CFAP43: variants seen among roughly 807,000 people sequenced by gnomAD.
CFAP43 encodes cilia- and flagella-associated protein 43.
A neutral mutation model predicts 218.9 loss-of-function variants in CFAP43; 155 were observed. The observed-to-expected ratio is 0.71, with a 90% CI of 0.62 to 0.81. The LOEUF is 0.81. Ranked by LOEUF, CFAP43 falls within the 30% of genes least tolerant of loss-of-function variation. CFAP43 has a pLI of 0.00. For missense variants in CFAP43, 1,778 were observed against 1,954.3 expected (o/e 0.91, Z 1.70); for synonymous variants, 645 against 681.3 (o/e 0.95, Z 0.83).
chr10:104,199,926 T>C (rs1015559450), intron 8 of CFAP43, among the ~76,000 whole-genome samples: 1 of 152,150 alleles, frequency 6.6e-6, no homozygotes, highest in Non-Finnish European at 1.5e-5. Flanking sequence ...AGGACCCACT[T>C]AGAATTAAAT....
In CFAP43 at chr10:104,162,300, TA is replaced by T; in HGVS notation, c.3333+16del. On this transcript the variant is annotated intron_variant, in intron 25 of 37. Coordinates refer to ENST00000357060, the MANE Select transcript of CFAP43 (RefSeq NM_025145.7). ...GCAAAGAGGGTCTTAGGACCTGTGT[TA>T]AGCAAAGCTACATGCCTGTATCAGA... 2.0e-6 allele frequency: 3 copies of T among 1,537,766 alleles called. No individual in the cohort carries two copies. Among genetic ancestry groups the T allele is most frequent in the Non-Finnish European group, 2.6e-6 (3 of 1,152,470 alleles).
intron 16 of CFAP43, among the ~76,000 whole-genome samples, chr10:104,184,566 G>A (rs904186156): frequency 3.3e-5 from 5 of 151,272 alleles, no homozygotes; most frequent in Admixed American, 2.0e-4. Flanking sequence ...TCTGGAACAC[G>A]CTTTTCAAAA....
At chr10:104,209,535 G>T (rs1173447187) in intron 5 of CFAP43, among the ~76,000 whole-genome samples, 2 of 152,126 alleles carry the variant, frequency 1.3e-5, no homozygotes, top group African/African-American at 2.4e-5. Context: ...CTCCACATTT[G>T]AGTATTTAAA....
rs1273285701 is a variant in CFAP43 at position 104,131,391 on chromosome 10, A to G, written c.4771T>C (p.Cys1591Arg). 20 of 1,613,678 alleles carry G rather than the reference A, an allele frequency of 1.2e-5. No homozygotes were observed. The highest frequency in any genetic ancestry group is 1.7e-5 in the Admixed American group (1 of 59,952). The stretch of plus-strand genomic sequence containing the variant: ...GCTACCAACTCTTCTCGTAGATTGC[A>G]GCTTAGGGCATAATTTGCTATATCT... ...QKDIANYALS[C>R]NLREELVAVS... The change falls in exon 37 of 38, where the codon TGC (cysteine) becomes CGC (arginine). Residue 1591 changes from cysteine to arginine, a missense_variant. By Grantham distance (180) the Cys-to-Arg change is radical (BLOSUM62 -3). Around this residue, in one of 3 missense-constraint regions of CFAP43, gnomAD observed 211 missense variants for 230.6 expected, o/e 0.91. Coordinates refer to ENST00000357060, the MANE Select transcript of CFAP43 (RefSeq NM_025145.7).
chr10:104,193,658 C>T lies in CFAP43; in HGVS notation c.1442+208G>A, dbSNP rs560746725. 14 of 541,296 alleles carry T rather than the reference C, an allele frequency of 2.6e-5. No individual in the cohort carries two copies. In the South Asian group the frequency reaches 3.8e-4, roughly 15 times the overall value. The allele number at this position is 541,296 out of a possible 1,614,324, so 33.5% of individuals were successfully genotyped here. On this transcript the variant is annotated intron_variant, in intron 11 of 37. Transcript: ENST00000357060. The stretch of plus-strand genomic sequence containing the variant: ...CAGGAGAGACATGAGAAATTGGTAC[C>T]AGGCTGCCTGCAAGGACAGACCTGG...
intron 9 of CFAP43, among the ~76,000 whole-genome samples, chr10:104,197,172 A>G (rs549988979): frequency 8.5e-5 from 13 of 152,328 alleles, no homozygotes; most frequent in African/African-American, 2.9e-4. Flanking sequence ...TAAAATAAAG[A>G]TTTTTCATGT....
At chr10:104,151,594 T>C (rs373957013) in intron 28 of CFAP43, among the ~76,000 whole-genome samples, 132 of 152,346 alleles carry the variant, frequency 8.7e-4, no homozygotes, top group African/African-American at 3.0e-3. Context: ...TTAATGGGGT[T>C]GTTTTTTTTC....
chr10:104,224,438 TGTTA>T (rs1416473974), intron 3 of CFAP43, among the ~76,000 whole-genome samples: 2 of 152,104 alleles, frequency 1.3e-5, no homozygotes, highest in Admixed American at 6.6e-5. Flanking sequence ...GTTCATTATC[TGTTA>T]GTTATACCTC....
rs771028921 is a variant in CFAP43, at chr10:104,147,942, G to T, written c.3717C>A (p.Ser1239Arg). Residue 1239 changes from serine (S) to arginine (R), a missense_variant, in exon 29 of 38, where the codon AGC (serine) becomes AGA (arginine). Transcript: ENST00000357060. The part of the protein sequence containing the change: ...AFSLLLDEEL[S>R]SREKFLNNYL... ...AGTTGTTCAGGAATTTTTCTCTAGA[G>T]CTTAATTCTTCATCCAACAATAAAG... is the stretch of plus-strand genomic sequence containing the variant. The T allele has an allele frequency of 2.5e-6, 4 of 1,603,140 alleles. No individual in the cohort carries two copies. The Admixed American group carries it at 6.8e-5, about 27-fold the overall frequency.
Position 104,130,132 on chromosome 10 carries a change from A to G in CFAP43, c.*7T>C. On this transcript the variant is annotated 3_prime_UTR_variant, in exon 38 of 38. Transcript: ENST00000357060. ...TGATTTGGCCTTGTGTTTTCCTGCC[A>G]GCGTTTTTACATTTGAACAAGAGCA... The G allele has an allele frequency of 1.3e-6, 2 of 1,567,694 alleles. No individual in the cohort carries two copies. The highest frequency in any genetic ancestry group is 1.7e-6 in the Non-Finnish European group (2 of 1,161,358).
At chr10:104,131,518 T>C in intron 36 of CFAP43, 34 bp from the exon 37 acceptor site, 1 of 1,580,188 alleles carries the variant, frequency 6.3e-7, no homozygotes, top group Non-Finnish European at 8.5e-7. Flanking sequence ...CCCCACAAAA[T>C]TAATTTTGAA....
intron 27 of CFAP43, among the ~76,000 whole-genome samples, chr10:104,153,398 T>C (rs1307871419): frequency 6.6e-6 from 1 of 152,162 alleles, no homozygotes; most frequent in East Asian, 1.9e-4. Flanking sequence ...AAAAAATAAC[T>C]AAAAGAGTGT....
rs1358675423 is a variant in CFAP43, at chr10:104,186,046, CAGAT to C, written c.1934_1937del (p.Tyr645CysfsTer9). ...TTATGAGCCACAATCCATGTGAAGACAGATAGAGCAGTCCAGGTCCATACTGTCT... is the reference window on the plus strand; with the variant it reads ...TTATGAGCCACAATCCATGTGAAGACAGAGCAGTCCAGGTCCATACTGTCT... On this transcript the variant is annotated frameshift_variant, in exon 15 of 38. Transcript: ENST00000357060. LOFTEE classifies it high-confidence loss of function. The C allele has an allele frequency of 1.2e-6, 2 of 1,609,160 alleles. No homozygotes were observed. The highest frequency in any genetic ancestry group is 1.1e-5 in the South Asian group (1 of 90,058).
rs1365168449 is a variant in CFAP43 at position 104,193,969 on chromosome 10, C to T, written c.1339G>A (p.Gly447Ser). Residue 447 changes from glycine (G) to serine (S), a missense_variant, in exon 11 of 38, where the codon GGC becomes AGC. This residue lies in a region of CFAP43 where 1,553 missense variants were observed against 1,685.2 expected (regional missense o/e 0.92). Coordinates refer to ENST00000357060, the MANE Select transcript of CFAP43 (RefSeq NM_025145.7). The part of the protein sequence containing the change: ...CCPSSLSAAV[G>S]TEDGSVYFIS... ...AAGTAGACCGAGCCATCCTCCGTGC[C>T]CACGGCTGCAGAGAGGGAGGATGGA... 6.2e-7 allele frequency: 1 copy of T among 1,613,964 alleles called. No homozygotes were observed. The highest frequency in any genetic ancestry group is 8.5e-7 in the Non-Finnish European group (1 of 1,180,010).
chr10:104,137,025 G>A (rs1291589539), intron 34 of CFAP43, among the ~76,000 whole-genome samples: 1 of 152,174 alleles, frequency 6.6e-6, no homozygotes, highest in Non-Finnish European at 1.5e-5. Context: ...TTTGCTGGTG[G>A]GAATATGAAA....
At chr10:104,189,528 T>G (rs117306069) in intron 12 of CFAP43, among the ~76,000 whole-genome samples, 29 of 152,312 alleles carry the variant, frequency 1.9e-4, no homozygotes, top group Non-Finnish European at 3.5e-4. Flanking sequence ...AGCCTGTACT[T>G]TCATCTGCCT....
intron 19 of CFAP43, among the ~76,000 whole-genome samples, chr10:104,175,850 A>G (rs975970715): frequency 6.6e-6 from 1 of 152,240 alleles, no homozygotes; most frequent in Admixed American, 6.5e-5. Flanking sequence ...CTGTCTGTAT[A>G]TATCTTAATT....
chr10:104,168,175 A>T (rs1008463922), intron 21 of CFAP43, among the ~76,000 whole-genome samples: 9 of 152,204 alleles, frequency 5.9e-5, no homozygotes, highest in African/African-American at 2.2e-4. Context: ...ATGGCTCATG[A>T]GGACCCTGTT....
chr10:104,134,767 C>T (rs2134730809), intron 34 of CFAP43, among the ~76,000 whole-genome samples: 1 of 152,198 alleles, frequency 6.6e-6, no homozygotes, highest in East Asian at 1.9e-4. Flanking sequence ...AAGCCCAGGA[C>T]AAGAAGGCTT....
Sources: allele counts gnomAD v4.1 joint callset (sites outside exome capture counted in the v4.1 genomes callset), GRCh38; gene constraint gnomAD v4.1.1; regional missense constraint gnomAD v4.1.1; transcripts MANE v1.5; gene names NCBI Gene and HGNC (gene_info 2026-07-23, HGNC 2026-07-21).